ASH1L: variants seen among roughly 807,000 people sequenced by gnomAD.
ASH1L encodes ASH1 like histone lysine methyltransferase.
A neutral mutation model predicts 269.0 loss-of-function variants in ASH1L; 23 were observed. The ratio of observed to expected loss-of-function variants is 0.09; its 90% CI spans 0.06 to 0.12. The LOEUF is 0.12. Among genes scored for constraint, ASH1L ranks in the 10% least tolerant of loss-of-function variants. The probability of loss-of-function intolerance (pLI) is 1.00; values close to 1 mark genes in which losing one functional copy is unlikely to be tolerated. For synonymous variants in ASH1L, 1,187 were observed against 1,253.5 expected, an observed-to-expected ratio of 0.95 and a Z score of 1.12; for missense variants, 2,912 against 3,567.8, an observed-to-expected ratio of 0.82 and a Z score of 4.68.
intron 5 of ASH1L, among the ~76,000 whole-genome samples, chr1:155,420,180 C>T (rs1462872882): frequency 1.3e-5 from 2 of 151,608 alleles, no homozygotes; most frequent in Non-Finnish European, 2.9e-5. Flanking sequence ...CAAAAATTAG[C>T]TGGGTGTGGT....
At chr1:155,407,595 T>C (rs149815865) in intron 6 of ASH1L, among the ~76,000 whole-genome samples, 48 of 152,082 alleles carry the variant, frequency 3.2e-4, no homozygotes, top group African/African-American at 1.1e-3. Flanking sequence ...CTATAAAAAA[T>C]AAAAACGTGG....
Position 155,357,309 on chromosome 1 carries a change from T to G in ASH1L, c.7055+7A>C. 2 of 1,608,180 alleles carry G rather than the reference T, an allele frequency of 1.2e-6. No homozygotes were observed. Among genetic ancestry groups the G allele is most frequent in the Non-Finnish European group, 8.5e-7 (1 of 1,175,186 alleles). On this transcript the variant is annotated splice_region_variant and intron_variant, in intron 15 of 27. Transcript: ENST00000392403. The stretch of plus-strand genomic sequence containing the variant: ...AAAGAACATGGATAAGGATATTTCC[T>G]TTTTACCTTTCACGATTGGACATTG...
intron 1 of ASH1L, among the ~76,000 whole-genome samples, chr1:155,544,567 G>A (rs998455896): frequency 2.0e-5 from 3 of 152,044 alleles, no homozygotes; most frequent in African/African-American, 4.8e-5. Flanking sequence ...GATTACAGGC[G>A]TAAGCCACCG....
At chr1:155,500,318 G>C (rs1482965572) in intron 2 of ASH1L, among the ~76,000 whole-genome samples, 1 of 152,220 alleles carries the variant, frequency 6.6e-6, no homozygotes, top group Admixed American at 6.5e-5. Context: ...TGCTGCCATG[G>C]AGAAGCTGGG....
At chr1:155,445,199 A>T (rs936025589) in intron 4 of ASH1L, among the ~76,000 whole-genome samples, 1 of 152,114 alleles carries the variant, frequency 6.6e-6, no homozygotes, top group South Asian at 2.1e-4. Context: ...ATCAATTGAA[A>T]GTTAGCGGAG....
intron 3 of ASH1L, among the ~76,000 whole-genome samples, chr1:155,473,045 G>C (rs1225645023): frequency 2.0e-5 from 3 of 152,126 alleles, no homozygotes; most frequent in Non-Finnish European, 2.9e-5. Flanking sequence ...TAGTTAAATA[G>C]CTCTTGTATC....
In ASH1L at chr1:155,338,372, C is replaced by A. The variant is rs1652493142; in HGVS notation, c.8520G>T (p.Glu2840Asp). ...RNGGRSSWKS[E>D]RSKPPLKDLG... Reference sequence around the variant, plus strand: ...AGTCTTTTAGGGGTGGCTTTGAGCGCTCAGACTTCCAGGATGATCTGCCAG... The same window carrying A: ...AGTCTTTTAGGGGTGGCTTTGAGCGATCAGACTTCCAGGATGATCTGCCAG... The change falls in exon 27 of 28, where the codon GAG becomes GAT. Residue 2840 changes from glutamate (E) to aspartate (D), a missense_variant. Glu to Asp is a conservative substitution (Grantham distance 45). Transcript: ENST00000392403. The A allele has an allele frequency of 5.6e-6, 9 of 1,613,008 alleles. No individual in the cohort carries two copies. The highest frequency in any genetic ancestry group is 6.8e-6 in the Non-Finnish European group (8 of 1,179,302).
intron 1 of ASH1L, among the ~76,000 whole-genome samples, chr1:155,548,573 T>C (rs952378370): frequency 2.6e-5 from 4 of 152,188 alleles, no homozygotes; most frequent in African/African-American, 9.6e-5. Context: ...CATTTTACAT[T>C]TGTCTCTACA....
At chr1:155,499,418 C>G (rs1667363753) in intron 2 of ASH1L, among the ~76,000 whole-genome samples, 1 of 152,198 alleles carries the variant, frequency 6.6e-6, no homozygotes, top group Non-Finnish European at 1.5e-5. Flanking sequence ...CTATCCCCAT[C>G]TAACTAGTTA....
intron 6 of ASH1L, among the ~76,000 whole-genome samples, chr1:155,409,565 AAAAAG>A (rs1465632951): frequency 6.6e-6 from 1 of 152,182 alleles, no homozygotes; most frequent in East Asian, 1.9e-4. Flanking sequence ...AGTGGGATGC[AAAAAG>A]AAGTATAAAG....
chr1:155,486,120 C>T (rs931311561), intron 2 of ASH1L, among the ~76,000 whole-genome samples: 2 of 152,148 alleles, frequency 1.3e-5, no homozygotes, highest in Non-Finnish European at 2.9e-5. Context: ...ATTTAACTTC[C>T]TGACTCAACA....
At chr1:155,444,717 C>T (rs1281668257) in intron 4 of ASH1L, among the ~76,000 whole-genome samples, 1 of 151,458 alleles carries the variant, frequency 6.6e-6, no homozygotes, top group Non-Finnish European at 1.5e-5. Context: ...CCGGGGTTCA[C>T]GGGATTCCTG....
intron 3 of ASH1L, among the ~76,000 whole-genome samples, chr1:155,462,854 T>C (rs1350985897): frequency 6.6e-6 from 1 of 152,192 alleles, no homozygotes; most frequent in Non-Finnish European, 1.5e-5. Context: ...CAGATCTCTA[T>C]CGCTTGGTAA....
At chr1:155,497,551 C>T (rs542816491) in intron 2 of ASH1L, among the ~76,000 whole-genome samples, 1 of 152,220 alleles carries the variant, frequency 6.6e-6, no homozygotes, top group East Asian at 1.9e-4. Context: ...ATACATATAA[C>T]ATTAAATATG....
At chr1:155,342,130 C>A in intron 24 of ASH1L, 28 bp from the exon 25 acceptor site, 1 of 1,607,440 alleles carries the variant, frequency 6.2e-7, no homozygotes, top group Non-Finnish European at 8.5e-7. Flanking sequence ...GTTAAGGAAT[C>A]CTATTTAGCC....
chr1:155,442,352 C>A (rs1662655565), intron 4 of ASH1L, among the ~76,000 whole-genome samples: 1 of 151,772 alleles, frequency 6.6e-6, no homozygotes, highest in South Asian at 2.1e-4. Context: ...CTTTGGGAGG[C>A]TGAGGTGGGC....
chr1:155,534,098 C>T (rs919305698), intron 1 of ASH1L, among the ~76,000 whole-genome samples: 1 of 148,154 alleles, frequency 6.7e-6, no homozygotes, highest in Non-Finnish European at 1.5e-5. Flanking sequence ...CTGCTTGAGC[C>T]CAGAAGGTCA....
intron 7 of ASH1L, among the ~76,000 whole-genome samples, chr1:155,386,089 T>C (rs1571067660): frequency 6.6e-6 from 1 of 151,184 alleles, no homozygotes; most frequent in African/African-American, 2.4e-5. Flanking sequence ...TTTTTGGAGA[T>C]GGAGTCTCAC....
intron 1 of ASH1L, among the ~76,000 whole-genome samples, chr1:155,537,503 G>A (rs1368779803): frequency 1.3e-5 from 2 of 152,154 alleles, no homozygotes; most frequent in Admixed American, 6.5e-5. Context: ...CTCTAAGACT[G>A]TAAAATTAGT....
Sources: gnomAD v4.1 joint callset for allele counts (sites outside exome capture counted in the v4.1 genomes callset) on GRCh38, gnomAD v4.1.1 for gene constraint, MANE v1.5 for transcripts, NCBI Gene and HGNC (gene_info 2026-07-23, HGNC 2026-07-21) for gene names.